TRIP12: variants seen among roughly 807,000 people sequenced by gnomAD.
TRIP12 encodes the protein E3 ubiquitin-protein ligase TRIP12.
TRIP12 carries 25 observed loss-of-function variants against 244.2 expected under a neutral mutation model. The observed-to-expected ratio is 0.10, with a 90% CI of 0.07 to 0.14. TRIP12 has a LOEUF of 0.14. TRIP12 is among the 10% of genes least tolerant of loss of function. The probability of loss-of-function intolerance (pLI) is 1.00; values close to 1 mark genes in which losing one functional copy is unlikely to be tolerated. For synonymous variants in TRIP12, 905 were observed against 873.1 expected, an observed-to-expected ratio of 1.04 and a Z score of -0.64; for missense variants, 1,677 against 2,486.4, an observed-to-expected ratio of 0.67 and a Z score of 6.92.
Position 229,918,973 on chromosome 2 carries a change from G to A in TRIP12, c.-50+2907C>T, listed in dbSNP as rs529689519. ...GATAAAATAAATGAAGACCAGATAG[G>A]TTAAGTGACTAGCTCAAGGTCACAA... On this transcript the variant is annotated intron_variant, in intron 1 of 41. Transcript: ENST00000675903. 2.0e-5 allele frequency among the ~76,000 whole-genome samples: 3 copies of A among 152,288 alleles called. No homozygotes were observed. In the South Asian group the frequency reaches 6.2e-4, roughly 32 times the overall value.
In TRIP12 at chr2:229,913,947, G is replaced by A. The variant is rs547313785; in HGVS notation, c.-50+7933C>T. On this transcript the variant is annotated intron_variant, in intron 1 of 41. Coordinates refer to ENST00000675903, the MANE Select transcript of TRIP12 (RefSeq NM_001348323.3). The stretch of plus-strand genomic sequence containing the variant: ...AAAAATTTTAAAGGAGTCACTGGAA[G>A]AAAGTTAAGTGTAAGTATATATATT... Among the ~76,000 whole-genome samples, 32 of 152,322 alleles carry A rather than the reference G, an allele frequency of 2.1e-4. No individual in the cohort carries two copies. The South Asian group carries it at 6.6e-3, about 32-fold the overall frequency.
chr2:229,780,901 C>T (rs997790890), intron 34 of TRIP12, among the ~76,000 whole-genome samples: 4 of 152,028 alleles, frequency 2.6e-5, no homozygotes, highest in African/African-American at 9.7e-5. Context: ...CACTAGAGGC[C>T]TGAGGAACAA....
At chr2:229,919,855 C>T (rs1003473342) in intron 1 of TRIP12, among the ~76,000 whole-genome samples, 1 of 152,228 alleles carries the variant, frequency 6.6e-6, no homozygotes, top group Non-Finnish European at 1.5e-5. Context: ...ATAAAACTCC[C>T]TCAATCTCAC....
At position 229,818,477 on chromosome 2, in the gene TRIP12, C is replaced by T. The variant is rs2049053255; in HGVS notation, c.1486G>A (p.Ala496Thr). 2 of 1,614,132 alleles carry T rather than the reference C, an allele frequency of 1.2e-6. No homozygotes were observed. Among genetic ancestry groups the T allele is most frequent in the Non-Finnish European group, 8.5e-7 (1 of 1,179,998 alleles). The change falls in exon 9 of 42, where the codon GCC becomes ACC. Residue 496 changes from alanine (A) to threonine (T), a missense_variant. Around this residue, in one of 11 missense-constraint regions of TRIP12, gnomAD observed 143 missense variants for 215.6 expected, o/e 0.66. Coordinates refer to ENST00000675903, the MANE Select transcript of TRIP12 (RefSeq NM_001348323.3). ...TGAAGCTGTTGACTTTCATCACTGG[C>T]TTGCAATCCTTGTAGTAGCTGCTGG... Reference protein sequence around the residue: ...KAQQLLQGLQASDESQQLQAV... With the variant: ...KAQQLLQGLQTSDESQQLQAV...
chr2:229,811,569 G>C (rs946525320), intron 13 of TRIP12, among the ~76,000 whole-genome samples: 1 of 152,050 alleles, frequency 6.6e-6, no homozygotes, highest in African/African-American at 2.4e-5. Context: ...GTTTAAGTGG[G>C]TGCACACTAA....
chr2:229,795,041 G>A (rs920700228), intron 26 of TRIP12, 138 bp downstream of exon 26: 2 of 949,928 alleles, frequency 2.1e-6, no homozygotes, highest in South Asian at 1.9e-5. Context: ...ATTCTTTAGA[G>A]TGCTTAATTT....
At chr2:229,871,822 C>T (rs2062654537) in intron 2 of TRIP12, among the ~76,000 whole-genome samples, 1 of 151,912 alleles carries the variant, frequency 6.6e-6, no homozygotes, top group Non-Finnish European at 1.5e-5. Context: ...TGAAAGTAGT[C>T]TTATAGAAGA....
chr2:229,871,636 A>G (rs1257319539), intron 2 of TRIP12, among the ~76,000 whole-genome samples: 2 of 152,208 alleles, frequency 1.3e-5, no homozygotes, highest in Non-Finnish European at 2.9e-5. Context: ...CTTTTTGTAC[A>G]GCCCACAGAA....
chr2:229,788,534 C>G (rs1014715224), intron 32 of TRIP12, among the ~76,000 whole-genome samples: 1 of 152,216 alleles, frequency 6.6e-6, no homozygotes, highest in Non-Finnish European at 1.5e-5. Context: ...AATTCCATGA[C>G]AGCAGATAAT....
At chr2:229,818,993 T>C (rs1339145866) in intron 8 of TRIP12, among the ~76,000 whole-genome samples, 2 of 150,218 alleles carry the variant, frequency 1.3e-5, no homozygotes, top group East Asian at 3.9e-4. Flanking sequence ...CACAACAACG[T>C]ATCTAACAAA....
intron 27 of TRIP12, among the ~76,000 whole-genome samples, chr2:229,792,566 T>C (rs528479717): frequency 6.6e-6 from 1 of 152,252 alleles, no homozygotes; most frequent in Admixed American, 6.5e-5. Flanking sequence ...GAAAGCAAAG[T>C]TGTCAGGTGT....
intron 37 of TRIP12, among the ~76,000 whole-genome samples, chr2:229,776,846 T>C (rs1343183448): frequency 6.6e-6 from 1 of 152,218 alleles, no homozygotes; most frequent in Non-Finnish European, 1.5e-5. Flanking sequence ...CTATGAGATG[T>C]CACAGAGAAA....
At chr2:229,863,213 G>C (rs1418358224) in intron 2 of TRIP12, among the ~76,000 whole-genome samples, 4 of 148,392 alleles carry the variant, frequency 2.7e-5, no homozygotes, top group African/African-American at 1.0e-4. Flanking sequence ...TGGGTGACAG[G>C]GCGAGACTCC....
chr2:229,783,676 C>T (rs941081392), intron 34 of TRIP12, among the ~76,000 whole-genome samples: 1 of 152,128 alleles, frequency 6.6e-6, no homozygotes, highest in Non-Finnish European at 1.5e-5. Context: ...ATGCTGTAAA[C>T]ATGTCAATTC....
intron 18 of TRIP12, among the ~76,000 whole-genome samples, chr2:229,805,105 C>T (rs139390137): frequency 6.6e-6 from 1 of 152,010 alleles, no homozygotes; most frequent in Non-Finnish European, 1.5e-5. Context: ...TAGGGTTTCA[C>T]CGTGTTAGCC....
At chr2:229,877,991 AAC>A (rs1165644637) in intron 2 of TRIP12, among the ~76,000 whole-genome samples, 9 of 152,356 alleles carry the variant, frequency 5.9e-5, no homozygotes, top group African/African-American at 2.2e-4. Flanking sequence ...ACATTTTCAG[AAC>A]AGAGCTCTAT....
intron 1 of TRIP12, among the ~76,000 whole-genome samples, chr2:229,882,098 C>G (rs540338296): frequency 6.6e-6 from 1 of 152,248 alleles, no homozygotes; most frequent in African/African-American, 2.4e-5. Context: ...CATACTTCCC[C>G]CTGTGCTTCA....
chr2:229,814,972 G>T, intron 11 of TRIP12, 127 bp downstream of exon 11: 1 of 710,052 alleles, frequency 1.4e-6, no homozygotes, highest in Non-Finnish European at 2.4e-6. Context: ...CTATTGATCT[G>T]CTGGACATAA....
intron 4 of TRIP12, among the ~76,000 whole-genome samples, chr2:229,843,878 C>T (rs1337930038): frequency 6.8e-6 from 1 of 146,720 alleles, no homozygotes. Context: ...CAAGACCTTG[C>T]GAAAAGAAAA....
Sources: gnomAD v4.1 joint callset for allele counts (sites outside exome capture counted in the v4.1 genomes callset) on GRCh38, gnomAD v4.1.1 for gene constraint, gnomAD v4.1.1 regional missense constraint, MANE v1.5 for transcripts, NCBI Gene and HGNC (gene_info 2026-07-23, HGNC 2026-07-21) for gene names.